Variants in DLGAP2 observed in about 807,000 individuals in gnomAD.
The protein encoded by DLGAP2 is disks large-associated protein 2.
A neutral mutation model predicts 100.3 loss-of-function variants in DLGAP2; 26 were observed. The observed-to-expected ratio is 0.26, with a 90% CI of 0.19 to 0.36. DLGAP2 has a LOEUF of 0.36. Ranked by LOEUF, DLGAP2 falls within the 10% of genes least tolerant of loss-of-function variation. The probability of loss-of-function intolerance (pLI) is 1.00; values close to 1 mark genes in which losing one functional copy is unlikely to be tolerated. For missense variants in DLGAP2, 1,858 were observed against 1,453.2 expected (o/e 1.28, Z -4.53); for synonymous variants, 886 against 630.1 (o/e 1.41, Z -6.08).
intron 2 of DLGAP2, among the ~76,000 whole-genome samples, chr8:1,036,051 G>A (rs969835322): frequency 8.0e-6 from 1 of 125,734 alleles, no homozygotes; most frequent in Non-Finnish European, 1.8e-5. Context: ...CGCTCATCCC[G>A]ACCCCGCGTG....
At chr8:1,613,723 A>G (rs1219930841) in intron 6 of DLGAP2, among the ~76,000 whole-genome samples, 1 of 152,156 alleles carries the variant, frequency 6.6e-6, no homozygotes, top group African/African-American at 2.4e-5. Flanking sequence ...GCAGCAGTAA[A>G]GCCCTTTTTC....
At chr8:1,386,986 A>C (rs1476898887) in intron 3 of DLGAP2, among the ~76,000 whole-genome samples, 1 of 152,218 alleles carries the variant, frequency 6.6e-6, no homozygotes, top group Non-Finnish European at 1.5e-5. Flanking sequence ...ACATTGAATA[A>C]TGTTTACCTA....
intron 6 of DLGAP2, among the ~76,000 whole-genome samples, chr8:1,604,906 C>G (rs1182621056): frequency 6.6e-6 from 1 of 152,192 alleles, no homozygotes. Context: ...GTTAGAATCG[C>G]TGAGCTTAGC....
intron 3 of DLGAP2, among the ~76,000 whole-genome samples, chr8:1,481,884 T>C (rs1169922313): frequency 6.6e-6 from 1 of 152,226 alleles, no homozygotes. Context: ...CCCAGTGGGT[T>C]GATCATGTCT....
intron 2 of DLGAP2, among the ~76,000 whole-genome samples, chr8:1,124,556 A>G (rs1796123474): frequency 1.3e-5 from 2 of 152,216 alleles, no homozygotes; most frequent in Non-Finnish European, 2.9e-5. Context: ...CATGATATGT[A>G]ATTGTGAATT....
intron 2 of DLGAP2, among the ~76,000 whole-genome samples, chr8:1,064,468 C>G (rs1803183047): frequency 6.6e-6 from 1 of 152,162 alleles, no homozygotes; most frequent in African/African-American, 2.4e-5. Context: ...AACTTCAAAC[C>G]AAATGCATTA....
At chr8:1,659,901 A>G (rs182843633) in intron 8 of DLGAP2, among the ~76,000 whole-genome samples, 7 of 152,182 alleles carry the variant, frequency 4.6e-5, no homozygotes, top group African/African-American at 1.7e-4. Context: ...ATAGCTGGTT[A>G]TTTTGCCCGT....
At chr8:1,148,850 C>G (rs1796650017) in intron 2 of DLGAP2, among the ~76,000 whole-genome samples, 1 of 152,042 alleles carries the variant, frequency 6.6e-6, no homozygotes, top group African/African-American at 2.4e-5. Flanking sequence ...CTGCATATGG[C>G]CAATTTTGGC....
At position 1,160,795 on chromosome 8, in the gene DLGAP2, A is replaced by G. The variant is rs181644797; in HGVS notation, c.74-98056A>G. On this transcript the variant is annotated intron_variant, in intron 2 of 14. Coordinates refer to ENST00000637795, the MANE Select transcript of DLGAP2 (RefSeq NM_001346810.2). ...GGCGAGGAAGGCGAGGAAGCCTGGC[A>G]GGGATGGTTTTTTCACCACCTCGAA... Among the ~76,000 whole-genome samples the G allele has an allele frequency of 1.8e-3, 278 of 152,242 alleles. 3 individuals carry two copies. The highest frequency in any genetic ancestry group is 6.2e-3 in the African/African-American group (256 of 41,502).
At chr8:1,326,648 C>T (rs985691267) in intron 3 of DLGAP2, among the ~76,000 whole-genome samples, 2 of 152,212 alleles carry the variant, frequency 1.3e-5, no homozygotes, top group African/African-American at 4.8e-5. Context: ...ACACGGCGAG[C>T]TCTTAGTCTT....
rs76684643 is a variant in DLGAP2, at chr8:1,504,933, C to A, written c.172+3502C>A. Among the ~76,000 whole-genome samples, 46 of 152,020 alleles carry A rather than the reference C, an allele frequency of 3.0e-4. No individual in the cohort carries two copies. In the South Asian group the frequency reaches 4.0e-3, roughly 13 times the overall value. Reference sequence around the variant, plus strand: ...ATTATTCCTTTATCATTCTAATGTACCCCTAGGATTGAGAATCCTGATATA... The same window carrying A: ...ATTATTCCTTTATCATTCTAATGTAACCCTAGGATTGAGAATCCTGATATA... On this transcript the variant is annotated intron_variant, in intron 4 of 14. Transcript: ENST00000637795.
chr8:1,577,678 G>C (rs1420535261), intron 6 of DLGAP2, among the ~76,000 whole-genome samples: 1 of 152,162 alleles, frequency 6.6e-6, no homozygotes, highest in Admixed American at 6.5e-5. Flanking sequence ...GGAGGCTGCA[G>C]CCTGGTGTCC....
intron 3 of DLGAP2, among the ~76,000 whole-genome samples, chr8:1,313,662 G>C (rs1182935755): frequency 6.6e-6 from 1 of 152,158 alleles, no homozygotes; most frequent in African/African-American, 2.4e-5. Flanking sequence ...TCTGTCCCGG[G>C]ATACCTCAAG....
intron 2 of DLGAP2, among the ~76,000 whole-genome samples, chr8:917,644 G>T (rs1051212862): frequency 3.3e-5 from 5 of 152,208 alleles, no homozygotes; most frequent in South Asian, 2.1e-4. Flanking sequence ...GCAGTGGTGC[G>T]ATCTCAGCTC....
In DLGAP2 at chr8:1,075,951, T is replaced by C. The variant is rs138909271; in HGVS notation, c.73+167985T>C. ...AAAAAAGACCCGAAAAATCACAGGA[T>C]GGTCTGGGCCTGAGTTCTTAATAGT... On this transcript the variant is annotated intron_variant, in intron 2 of 14. Coordinates refer to ENST00000637795, the MANE Select transcript of DLGAP2 (RefSeq NM_001346810.2). Among the ~76,000 whole-genome samples the C allele has an allele frequency of 4.1e-4, 62 of 152,144 alleles. 2 individuals are homozygous for C. Among genetic ancestry groups the C allele is most frequent in the Middle Eastern group, 3.4e-3 (1 of 294 alleles).
At chr8:863,635 C>A (rs190279386) in intron 1 of DLGAP2, among the ~76,000 whole-genome samples, 98 of 152,228 alleles carry the variant, frequency 6.4e-4, no homozygotes, top group African/African-American at 2.3e-3. Context: ...TCCTCAGCAC[C>A]GCGGATCATC....
intron 12 of DLGAP2, 67 bp from the exon 13 acceptor site, chr8:1,691,468 C>G: frequency 1.2e-5 from 16 of 1,369,142 alleles, no homozygotes; most frequent in Non-Finnish European, 1.6e-5. Flanking sequence ...TGTGATGTTT[C>G]TGCTTTTGTG....
rs530956065 is a variant in DLGAP2, at chr8:789,783, A to C, written c.18+51958A>C. Among the ~76,000 whole-genome samples, 4 of 152,182 alleles carry C rather than the reference A, an allele frequency of 2.6e-5. No individual in the cohort carries two copies. The East Asian group carries it at 7.7e-4, about 29-fold the overall frequency. ...CCCTGCTTGGCAAAGCCGGCAATGC[A>C]GTTTAGAGACCTGGCCTGTGAAAGA... On this transcript the variant is annotated intron_variant, in intron 1 of 14. Coordinates refer to ENST00000637795, the MANE Select transcript of DLGAP2 (RefSeq NM_001346810.2).
At chr8:1,087,288 A>G (rs188240117) in intron 2 of DLGAP2, among the ~76,000 whole-genome samples, 16 of 152,266 alleles carry the variant, frequency 1.1e-4, no homozygotes, top group African/African-American at 4.8e-5. Flanking sequence ...CTCTGTCTCA[A>G]TAAACATGAT....
Sources: allele counts gnomAD v4.1 joint callset (sites outside exome capture counted in the v4.1 genomes callset), GRCh38; gene constraint gnomAD v4.1.1; transcripts MANE v1.5; gene names NCBI Gene and HGNC (gene_info 2026-07-23, HGNC 2026-07-21).